The following MYO16 variants were observed in gnomAD, a reference collection of about 807,000 sequenced individuals.
MYO16 encodes the protein unconventional myosin-XVI.
Under a neutral mutation model 205.3 loss-of-function variants are expected in MYO16, and 94 were observed. The ratio of observed to expected loss-of-function variants is 0.46; its 90% CI spans 0.39 to 0.54. The LOEUF (loss-of-function observed/expected upper bound fraction) is 0.54, where lower values mean the gene tolerates loss of function less well. Ranked by LOEUF, MYO16 falls within the 20% of genes least tolerant of loss-of-function variation. The pLI, the probability that MYO16 is intolerant of heterozygous loss-of-function variation, is 0.00. For missense variants in MYO16, 2,315 were observed against 2,387.5 expected (o/e 0.97, Z 0.63); for synonymous variants, 988 against 954.0 (o/e 1.04, Z -0.66).
intron 1 of MYO16, among the ~76,000 whole-genome samples, chr13:108,643,854 C>T (rs1285589192): frequency 1.3e-5 from 2 of 152,166 alleles, no homozygotes; most frequent in Non-Finnish European, 2.9e-5. Flanking sequence ...TCCCTTGTAT[C>T]TTGAGACACT....
At chr13:108,500,906 C>T in the MYO16 span, among the ~76,000 whole-genome samples, 4 of 152,188 alleles carry the variant, frequency 2.6e-5, no homozygotes, top group Admixed American at 6.5e-5. Context: ...CCAGCTCCAG[C>T]CTCCTCTGAC....
chr13:109,015,568 T>C (rs917112859), intron 22 of MYO16, among the ~76,000 whole-genome samples: 1 of 152,332 alleles, frequency 6.6e-6, no homozygotes, highest in African/African-American at 2.4e-5. Context: ...TCTGGTAGAA[T>C]TTGGCTGTGA....
At chr13:109,196,704 C>A (rs1438477087) in intron 34 of MYO16, among the ~76,000 whole-genome samples, 1 of 152,168 alleles carries the variant, frequency 6.6e-6, no homozygotes, top group Non-Finnish European at 1.5e-5. Flanking sequence ...GCCTTGGCCA[C>A]AAATGTTTGT....
intron 5 of MYO16, among the ~76,000 whole-genome samples, chr13:108,791,004 A>G (rs117536418): frequency 6.6e-6 from 1 of 152,240 alleles, no homozygotes; most frequent in Non-Finnish European, 1.5e-5. Flanking sequence ...CTTAAGAGTG[A>G]CTATCAGATT....
intron 14 of MYO16, among the ~76,000 whole-genome samples, chr13:108,895,208 AC>A (rs200675133): frequency 9.7e-5 from 14 of 143,684 alleles, no homozygotes; most frequent in Middle Eastern, 3.4e-3. Context: ...CATTATAAAT[AC>A]AAAAAAAAAG....
the MYO16 span, among the ~76,000 whole-genome samples, chr13:108,549,911 G>T: frequency 6.6e-6 from 1 of 152,232 alleles, no homozygotes; most frequent in Admixed American, 6.5e-5. Flanking sequence ...AATTCAAATT[G>T]TCTGAACTGA....
intron 6 of MYO16, among the ~76,000 whole-genome samples, chr13:108,800,447 A>C (rs142445337): frequency 3.9e-5 from 6 of 152,268 alleles, no homozygotes; most frequent in African/African-American, 1.2e-4. Context: ...TTTGTCTTTA[A>C]TTTCTGACCT....
chr13:109,148,735 G>A (rs1480901880), intron 32 of MYO16, among the ~76,000 whole-genome samples: 2 of 152,214 alleles, frequency 1.3e-5, no homozygotes, highest in African/African-American at 2.4e-5. Flanking sequence ...AGGAGCCGCT[G>A]CAGGAGATGT....
intron 27 of MYO16, among the ~76,000 whole-genome samples, chr13:109,060,954 T>A (rs1474212547): frequency 1.3e-5 from 2 of 152,174 alleles, no homozygotes; most frequent in African/African-American, 4.8e-5. Context: ...GCCACCTTTA[T>A]CAATTATTTT....
At chr13:108,499,493 A>G in the MYO16 span, among the ~76,000 whole-genome samples, 1 of 152,344 alleles carries the variant, frequency 6.6e-6, no homozygotes, top group South Asian at 2.1e-4. Flanking sequence ...TGGTCTTTCA[A>G]AAATGTACAC....
At chr13:108,854,311 T>C (rs1304411000) in intron 10 of MYO16, among the ~76,000 whole-genome samples, 2 of 152,146 alleles carry the variant, frequency 1.3e-5, no homozygotes, top group Non-Finnish European at 2.9e-5. Flanking sequence ...CTATTATTAA[T>C]GCATTAGGTT....
At position 108,806,707 on chromosome 13, in the gene MYO16, A is replaced by C; in HGVS notation, c.770A>C (p.Lys257Thr). The C allele has an allele frequency of 1.2e-6, 2 of 1,613,322 alleles. No homozygotes were observed. Among genetic ancestry groups the C allele is most frequent in the Non-Finnish European group, 1.7e-6 (2 of 1,179,400 alleles). Residue 257 changes from lysine to threonine, a missense_variant, in exon 7 of 35, where the codon AAG becomes ACG. Physicochemically the swap from Lys to Thr is moderately conservative, Grantham distance 78. This residue lies in a region of MYO16 where 1,213 missense variants were observed against 1,274.4 expected (regional missense o/e 0.95). Transcript: ENST00000457511. The part of the protein sequence containing the change: ...LLHMACASGY[K>T]EVVSLILEHG... ...CACATGGCGTGTGCGAGTGGCTACAAGGAGGTGGTGTCTCTTATCCTGGAA... is the reference window on the plus strand; with the variant it reads ...CACATGGCGTGTGCGAGTGGCTACACGGAGGTGGTGTCTCTTATCCTGGAA...
intron 4 of MYO16, among the ~76,000 whole-genome samples, chr13:108,782,971 A>G (rs1886351453): frequency 6.6e-6 from 1 of 152,170 alleles, no homozygotes; most frequent in Non-Finnish European, 1.5e-5. Flanking sequence ...GAACCTCTAC[A>G]GCAGTGCAAA....
intron 20 of MYO16, among the ~76,000 whole-genome samples, chr13:108,982,435 G>T (rs1462204355): frequency 6.6e-6 from 1 of 152,012 alleles, no homozygotes; most frequent in Non-Finnish European, 1.5e-5. Context: ...GTTTGGGCTG[G>T]AAGATAATTA....
At chr13:108,845,432 C>T (rs988900289) in intron 10 of MYO16, among the ~76,000 whole-genome samples, 6 of 152,060 alleles carry the variant, frequency 3.9e-5, no homozygotes, top group Non-Finnish European at 7.4e-5. Flanking sequence ...ACTGAAGGTG[C>T]AGGGTGCCTT....
chr13:108,598,136 A>G (rs748194286), intron 1 of MYO16, among the ~76,000 whole-genome samples: 1 of 152,194 alleles, frequency 6.6e-6, no homozygotes, highest in Non-Finnish European at 1.5e-5. Flanking sequence ...TATCAGCGTT[A>G]CTTTCATTTG....
At chr13:108,577,674 G>A in the MYO16 span, among the ~76,000 whole-genome samples, 106 of 152,122 alleles carry the variant, frequency 7.0e-4, no homozygotes, top group Middle Eastern at 3.4e-3. Flanking sequence ...CCATCACTTG[G>A]TATTAAAGTT....
intron 21 of MYO16, among the ~76,000 whole-genome samples, chr13:108,994,047 AC>A (rs2139442835): frequency 6.6e-6 from 1 of 152,316 alleles, no homozygotes; most frequent in South Asian, 2.1e-4. Context: ...AATGATGAAT[AC>A]GTGCAAAACT....
rs200186426 is a variant in MYO16, at chr13:108,793,536, C to T, written c.637C>T (p.Arg213Cys). The T allele has an allele frequency of 5.8e-5, 94 of 1,613,732 alleles. 1 individual carries two copies. Among genetic ancestry groups the T allele is most frequent in the South Asian group, 1.5e-4 (14 of 91,052 alleles). The change falls in exon 6 of 35, where the codon CGC (arginine) becomes TGC (cysteine). Residue 213 changes from arginine (R) to cysteine (C), a missense_variant. Coordinates refer to ENST00000457511, the MANE Select transcript of MYO16 (RefSeq NM_001198950.3). ...DENGVDLTSL[R>C]QMKLQRPMSM... is the part of the protein sequence containing the mutation. ...CACAGGAGTGGATTTGACCTCACTG[C>T]GCCAGATGAAGCTTCAGAGACCAAT...
Sources: allele counts gnomAD v4.1 joint callset (sites outside exome capture counted in the v4.1 genomes callset), GRCh38; gene constraint gnomAD v4.1.1; regional missense constraint gnomAD v4.1.1; transcripts MANE v1.5; gene names NCBI Gene and HGNC (gene_info 2026-07-23, HGNC 2026-07-21).